Variants in PTPRT observed in about 807,000 individuals in gnomAD.
PTPRT encodes receptor-type tyrosine-protein phosphatase T.
A neutral mutation model predicts 176.8 loss-of-function variants in PTPRT; 56 were observed. That is an observed-to-expected ratio of 0.32 (90% confidence interval 0.26 to 0.40). The LOEUF (loss-of-function observed/expected upper bound fraction) is 0.40. Ranked by LOEUF, PTPRT falls within the 10% of genes least tolerant of loss-of-function variation. The probability of loss-of-function intolerance (pLI) is 1.00; values close to 1 mark genes in which losing one functional copy is unlikely to be tolerated. For missense variants in PTPRT, 1,540 were observed against 1,908.2 expected (o/e 0.81, Z 3.60); for synonymous variants, 783 against 739.0 (o/e 1.06, Z -0.96).
chr20:42,941,097 T>TAAC (rs1193867573), intron 1 of PTPRT, among the ~76,000 whole-genome samples: 1 of 150,186 alleles, frequency 6.7e-6, no homozygotes, highest in South Asian at 2.1e-4. Context: ...AAAATAATAA[T>TAAC]AATAATAATA....
At chr20:42,111,306 T>G (rs1410097448) in intron 22 of PTPRT, among the ~76,000 whole-genome samples, 1 of 152,208 alleles carries the variant, frequency 6.6e-6, no homozygotes, top group Non-Finnish European at 1.5e-5. Context: ...TGATTATTCA[T>G]TCATTCCTTC....
chr20:42,728,371 T>A (rs762264154), intron 6 of PTPRT, among the ~76,000 whole-genome samples: 1 of 152,160 alleles, frequency 6.6e-6, no homozygotes, highest in African/African-American at 2.4e-5. Flanking sequence ...ACACTTTGAG[T>A]AGCAGTGCCT....
chr20:42,351,614 GT>G (rs1353779059), intron 10 of PTPRT, among the ~76,000 whole-genome samples: 9 of 152,304 alleles, frequency 5.9e-5, no homozygotes, highest in Admixed American at 2.0e-4. Flanking sequence ...CATTGTTGCT[GT>G]CTAGTGGCAG....
At chr20:43,118,065 G>A (rs755949315) in intron 1 of PTPRT, among the ~76,000 whole-genome samples, 1 of 152,150 alleles carries the variant, frequency 6.6e-6, no homozygotes, top group Non-Finnish European at 1.5e-5. Flanking sequence ...TTTGAAACAG[G>A]GATCAGCAAA....
intron 15 of PTPRT, among the ~76,000 whole-genome samples, chr20:42,208,042 C>A (rs201287988): frequency 1.4e-4 from 17 of 120,392 alleles, no homozygotes; most frequent in African/African-American, 5.3e-4. Flanking sequence ...CAGCCAAACT[C>A]AGCTTCATAA....
chr20:42,908,216 C>A (rs2079503037), intron 1 of PTPRT, among the ~76,000 whole-genome samples: 1 of 152,014 alleles, frequency 6.6e-6, no homozygotes, highest in Non-Finnish European at 1.5e-5. Context: ...TGACCTTGGA[C>A]AAGTCACTTA....
chr20:42,316,839 T>A (rs2057727295), intron 11 of PTPRT, among the ~76,000 whole-genome samples: 1 of 152,186 alleles, frequency 6.6e-6, no homozygotes, highest in African/African-American at 2.4e-5. Flanking sequence ...TTTCACTTCC[T>A]CTATGAAGCC....
At chr20:42,769,179 G>T (rs1050884665) in intron 5 of PTPRT, among the ~76,000 whole-genome samples, 1 of 152,206 alleles carries the variant, frequency 6.6e-6, no homozygotes, top group Non-Finnish European at 1.5e-5. Context: ...GGTATTTCAC[G>T]CTGCTGTGCT....
chr20:42,544,701 G>C (rs6102902), intron 7 of PTPRT, among the ~76,000 whole-genome samples: 2 of 152,168 alleles, frequency 1.3e-5, no homozygotes, highest in African/African-American at 4.8e-5. Flanking sequence ...TGAGAATGCA[G>C]GCACCAAAAG....
At chr20:42,756,218 ACAGTCT>A (rs1362627172) in intron 6 of PTPRT, among the ~76,000 whole-genome samples, 1 of 152,202 alleles carries the variant, frequency 6.6e-6, no homozygotes, top group Non-Finnish European at 1.5e-5. Flanking sequence ...TATATATTCC[ACAGTCT>A]TTCACGTATG....
intron 1 of PTPRT, among the ~76,000 whole-genome samples, chr20:43,003,617 C>G (rs888418759): frequency 1.3e-5 from 2 of 152,198 alleles, no homozygotes; most frequent in African/African-American, 4.8e-5. Flanking sequence ...TTTAAAATCC[C>G]TTTTGCAATA....
At chr20:42,658,752 C>T (rs1230200683) in intron 7 of PTPRT, among the ~76,000 whole-genome samples, 3 of 152,060 alleles carry the variant, frequency 2.0e-5, no homozygotes, top group East Asian at 3.9e-4. Context: ...GTATGTCTCC[C>T]CCATTAGTAT....
At position 42,106,858 on chromosome 20, in the gene PTPRT, A is replaced by G; in HGVS notation, c.3318T>C (p.Asn1106=). Residue 1106 remains asparagine (N), a synonymous_variant, in exon 24 of 31, where the codon AAT becomes AAC. Transcript: ENST00000373187. ...AIDTMLDMAE[N]EGVVDIFNCV... is the part of the protein sequence containing the mutation. ...AGTTGAAGATGTCCACCACCCCTTC[A>G]TTCTCGGCCATGTCAAGCATGGTGT... The G allele has an allele frequency of 1.2e-6, 2 of 1,614,080 alleles. No individual in the cohort carries two copies. The highest frequency in any genetic ancestry group is 1.7e-6 in the Non-Finnish European group (2 of 1,179,996).
At chr20:42,084,556 T>G in intron 29 of PTPRT, 126 bp downstream of exon 29, 2 of 795,172 alleles carry the variant, frequency 2.5e-6, no homozygotes, top group Non-Finnish European at 3.4e-6. Context: ...CCACTAGCCT[T>G]TGAGGGATGT....
intron 9 of PTPRT, among the ~76,000 whole-genome samples, chr20:42,383,928 C>G (rs1381260676): frequency 6.6e-6 from 1 of 152,208 alleles, no homozygotes; most frequent in African/African-American, 2.4e-5. Context: ...TTCTAGTAAT[C>G]AAACAGCAGC....
intron 23 of PTPRT, among the ~76,000 whole-genome samples, chr20:42,109,908 C>T (rs1311296456): frequency 6.6e-6 from 1 of 152,134 alleles, no homozygotes; most frequent in African/African-American, 2.4e-5. Context: ...GACCTTGTGA[C>T]CAAGTATCAT....
intron 1 of PTPRT, among the ~76,000 whole-genome samples, chr20:42,994,705 T>G (rs1984132641): frequency 6.6e-6 from 1 of 152,204 alleles, no homozygotes; most frequent in African/African-American, 2.4e-5. Context: ...TCACATAAAT[T>G]TTTAAGTTAA....
At chr20:42,196,056 G>T (rs1991205927) in intron 16 of PTPRT, among the ~76,000 whole-genome samples, 1 of 152,186 alleles carries the variant, frequency 6.6e-6, no homozygotes, top group South Asian at 2.1e-4. Context: ...CAGAAAGATT[G>T]AGAACCAATA....
chr20:43,157,753 G>A (rs1411100792), intron 1 of PTPRT, among the ~76,000 whole-genome samples: 1 of 152,162 alleles, frequency 6.6e-6, no homozygotes, highest in East Asian at 1.9e-4. Context: ...AGGCAAGGGA[G>A]TTAGCCAAGC....
Sources: gnomAD v4.1 joint callset for allele counts (sites outside exome capture counted in the v4.1 genomes callset) on GRCh38, gnomAD v4.1.1 for gene constraint, MANE v1.5 for transcripts, NCBI Gene and HGNC (gene_info 2026-07-23, HGNC 2026-07-21) for gene names.